Variants in DNAH9 observed in about 807,000 individuals in gnomAD.
DNAH9 encodes DNAH9 variant protein.
DNAH9 carries 345 observed loss-of-function variants against 471.6 expected under a neutral mutation model. That is an observed-to-expected ratio of 0.73 (90% CI 0.67 to 0.80). DNAH9 has a LOEUF of 0.80. Ranked by LOEUF, DNAH9 falls within the 30% of genes least tolerant of loss-of-function variation. DNAH9 has a pLI of 0.00. For missense variants in DNAH9, 5,407 were observed against 5,609.2 expected (o/e 0.96, Z 1.15); for synonymous variants, 2,093 against 2,123.6 (o/e 0.99, Z 0.40).
chr17:11,680,691 G>T (rs765887794), intron 18 of DNAH9, 32 bp from the exon 19 acceptor site: 1 of 1,607,666 alleles, frequency 6.2e-7, no homozygotes, highest in African/African-American at 1.3e-5. Context: ...GAGCACCTTG[G>T]GAATCTGACC....
At chr17:11,730,402 A>T (rs1567755746) in intron 28 of DNAH9, among the ~76,000 whole-genome samples, 1 of 152,224 alleles carries the variant, frequency 6.6e-6, no homozygotes, top group Non-Finnish European at 1.5e-5. Flanking sequence ...TAAGGATGTA[A>T]GCTGAGTGTT....
intron 43 of DNAH9, among the ~76,000 whole-genome samples, chr17:11,804,545 A>G (rs1171308848): frequency 6.6e-6 from 1 of 152,258 alleles, no homozygotes; most frequent in Non-Finnish European, 1.5e-5. Context: ...CTAGAAACCA[A>G]ATAAATAAAA....
At chr17:11,605,674 A>ATTTTTTTT (rs59748847) in intron 1 of DNAH9, among the ~76,000 whole-genome samples, 2 of 145,008 alleles carry the variant, frequency 1.4e-5, no homozygotes, top group African/African-American at 2.6e-5. Flanking sequence ...CAATTTTTCT[A>ATTTTTTTT]TTTTTTTTTT....
Position 11,623,634 on chromosome 17 carries a change from T to C in DNAH9, c.1350+3853T>C, listed in dbSNP as rs149740806. ...GTAGGCCTTTAGTTAATATTCTGTG[T>C]ATCTCTGTGATCGATGCCTGATTGA... On this transcript the variant is annotated intron_variant, in intron 6 of 68. Coordinates refer to ENST00000262442, the MANE Select transcript of DNAH9 (RefSeq NM_001372.4). The surrounding 1 kb of genome is among the most constrained non-coding windows in gnomAD (Gnocchi z 4.1). Among the ~76,000 whole-genome samples the C allele has an allele frequency of 2.6e-3, 394 of 152,310 alleles. 3 individuals carry two copies. The highest frequency in any genetic ancestry group is 0.01 in the Middle Eastern group (3 of 294).
chr17:11,660,319 CT>C (rs1208889792), intron 14 of DNAH9, among the ~76,000 whole-genome samples: 28,817 of 96,706 alleles, frequency 0.3, 1,512 homozygotes, highest in Admixed American at 0.37. Flanking sequence ...TTAAATGTTT[CT>C]TTTTTTTTTT....
At chr17:11,769,894 C>T (rs188269636) in intron 38 of DNAH9, among the ~76,000 whole-genome samples, 44 of 152,328 alleles carry the variant, frequency 2.9e-4, no homozygotes, top group African/African-American at 1.1e-3. Context: ...GCCAGAGTCT[C>T]TCTCCCCTTA....
chr17:11,669,445 C>CTCTGCTGT lies in DNAH9; in HGVS notation c.3005_3012dup (p.Gly1005SerfsTer84). 6.2e-7 allele frequency: 1 copy of CTCTGCTGT among 1,614,090 alleles called. No homozygotes were observed. Among genetic ancestry groups the CTCTGCTGT allele is most frequent in the Non-Finnish European group, 8.5e-7 (1 of 1,180,002 alleles). ...GGAGAGAGTCCAGAGAATGATGGGC[C>CTCTGCTGT]TCTGCTGTGGCTATCAGAGCACCTT... On this transcript the variant is annotated frameshift_variant, in exon 17 of 69. Coordinates refer to ENST00000262442, the MANE Select transcript of DNAH9 (RefSeq NM_001372.4). LOFTEE classifies it high-confidence loss of function.
intron 48 of DNAH9, among the ~76,000 whole-genome samples, chr17:11,831,596 G>T (rs767719046): frequency 1.2e-4 from 19 of 152,180 alleles, no homozygotes; most frequent in Non-Finnish European, 2.5e-4. Context: ...ATTGCTGCTG[G>T]TTGCCCTGGG....
At position 11,961,793 on chromosome 17, in the gene DNAH9, G is replaced by A. The variant is rs11656157; in HGVS notation, c.12844-74G>A. 0.19 allele frequency: 281,566 copies of A among 1,507,870 alleles called. 26,900 individuals are homozygous for A. The highest frequency in any genetic ancestry group is 0.25 in the Admixed American group (11,395 of 46,294). 93.4% of individuals were successfully genotyped at this position (1,507,870 alleles called of 1,614,324 possible). On this transcript the variant is annotated intron_variant, in intron 67 of 68. Coordinates refer to ENST00000262442, the MANE Select transcript of DNAH9 (RefSeq NM_001372.4). The stretch of plus-strand genomic sequence containing the variant: ...TGTCTGCCTGGGTGCCATGAGCCAG[G>A]GGTCTCTGAGGCCAGGTGTTTTCAG...
intron 35 of DNAH9, among the ~76,000 whole-genome samples, chr17:11,759,931 C>A (rs775601205): frequency 2.0e-5 from 3 of 152,130 alleles, no homozygotes; most frequent in Admixed American, 2.0e-4. Flanking sequence ...TGTGATGTGG[C>A]CGCCTCGGCC....
At chr17:11,642,903 G>A (rs28651534) in intron 10 of DNAH9, among the ~76,000 whole-genome samples, 1 of 148,632 alleles carries the variant, frequency 6.7e-6, no homozygotes, top group Admixed American at 6.7e-5. Flanking sequence ...TAATCAGGGG[G>A]AAAAAAAAAC....
rs536566359 is a variant in DNAH9, at chr17:11,719,316, C to T, written c.5553-18C>T. 189 of 1,612,238 alleles carry T rather than the reference C, an allele frequency of 1.2e-4. 3 individuals carry two copies. In the South Asian group the frequency reaches 2.0e-3, roughly 17 times the overall value. ...GGGCCCCCAAGAATGATGACCTATG[C>T]CCTCCCGTGTTTGGCAGGTGCTACA... On this transcript the variant is annotated intron_variant, in intron 26 of 68. Transcript: ENST00000262442.
chr17:11,827,823 T>C (rs1970549242), intron 48 of DNAH9, among the ~76,000 whole-genome samples: 1 of 152,010 alleles, frequency 6.6e-6, no homozygotes, highest in South Asian at 2.1e-4. Flanking sequence ...GTAGCTGGGA[T>C]TACAGGCATG....
In DNAH9 at chr17:11,690,438, T is replaced by C; in HGVS notation, c.4614+2T>C. On this transcript the variant is annotated splice_donor_variant, in intron 20 of 68. Coordinates refer to ENST00000262442, the MANE Select transcript of DNAH9 (RefSeq NM_001372.4). LOFTEE classifies it high-confidence loss of function. ...GATATTCGGGCACAGCTACCCCAGG[T>C]ACCTGCTAAGGAAATCTAGAATCTC... The C allele has an allele frequency of 1.2e-5, 19 of 1,611,666 alleles. No homozygotes were observed. The highest frequency in any genetic ancestry group is 1.6e-5 in the Non-Finnish European group (19 of 1,178,286).
At chr17:11,801,318 G>A (rs922506908) in intron 43 of DNAH9, among the ~76,000 whole-genome samples, 6 of 152,150 alleles carry the variant, frequency 3.9e-5, no homozygotes, top group Non-Finnish European at 8.8e-5. Context: ...TGAGCACACA[G>A]ACTGTCTTGC....
chr17:11,641,967 C>T (rs1443283790), intron 10 of DNAH9, among the ~76,000 whole-genome samples: 1 of 152,040 alleles, frequency 6.6e-6, no homozygotes, highest in East Asian at 1.9e-4. Flanking sequence ...GCCTCCGTAC[C>T]CCTACATCAG....
intron 35 of DNAH9, among the ~76,000 whole-genome samples, chr17:11,760,778 A>G (rs1286868545): frequency 6.6e-6 from 1 of 152,118 alleles, no homozygotes; most frequent in Non-Finnish European, 1.5e-5. Context: ...TCGGCCTCCC[A>G]AAGTGCTGGG....
At chr17:11,857,493 C>T (rs568011516) in intron 50 of DNAH9, among the ~76,000 whole-genome samples, 8 of 152,102 alleles carry the variant, frequency 5.3e-5, no homozygotes, top group African/African-American at 1.9e-4. Context: ...CCATTTCCAG[C>T]CTAGTCCAAT....
intron 14 of DNAH9, among the ~76,000 whole-genome samples, chr17:11,659,712 C>A (rs889443731): frequency 1.3e-5 from 2 of 152,220 alleles, no homozygotes; most frequent in African/African-American, 2.4e-5. Context: ...ATCTTTCTAC[C>A]CCTACATCAG....
Sources: allele counts gnomAD v4.1 joint callset (sites outside exome capture counted in the v4.1 genomes callset), GRCh38; gene constraint gnomAD v4.1.1; non-coding constraint Gnocchi (gnomAD v3.1); transcripts MANE v1.5; gene names NCBI Gene and HGNC (gene_info 2026-07-23, HGNC 2026-07-21).